Variants in DTNA observed in about 807,000 individuals in gnomAD.
DTNA encodes the protein dystrophin-related protein 3.
In DTNA, 43 loss-of-function variants were observed where a neutral mutation model predicts 100.7. The observed-to-expected ratio is 0.43, with a 90% CI of 0.33 to 0.55. The LOEUF is 0.55. Among genes scored for constraint, DTNA ranks in the 20% least tolerant of loss-of-function variants. DTNA has a pLI of 0.04. For missense variants in DTNA, 798 were observed against 953.9 expected (o/e 0.84, Z 2.15); for synonymous variants, 349 against 347.9 (o/e 1.00, Z -0.04).
chr18:34,704,209 A>T (rs2081817474), intron 1 of DTNA, among the ~76,000 whole-genome samples: 1 of 152,310 alleles, frequency 6.6e-6, no homozygotes, highest in African/African-American at 2.4e-5. Context: ...ATGTAGTTAT[A>T]GTTCACCCTC....
intron 1 of DTNA, among the ~76,000 whole-genome samples, chr18:34,687,675 A>T (rs1351399892): frequency 6.6e-6 from 1 of 152,198 alleles, no homozygotes; most frequent in Non-Finnish European, 1.5e-5. Context: ...TCCAGAGCTG[A>T]GTTCAAGTTC....
intron 1 of DTNA, among the ~76,000 whole-genome samples, chr18:34,523,222 ATAT>A (rs1225045602): frequency 2.6e-5 from 4 of 152,140 alleles, no homozygotes; most frequent in African/African-American, 4.8e-5. Context: ...TTTTTTGAAA[ATAT>A]TATTAGAATT....
chr18:34,667,972 A>G lies in DTNA; in HGVS notation c.-1-88004A>G, dbSNP rs1373994486. 9.2e-5 allele frequency among the ~76,000 whole-genome samples: 14 copies of G among 152,110 alleles called. No individual in the cohort carries two copies. In the East Asian group the frequency reaches 2.5e-3, roughly 27 times the overall value. On this transcript the variant is annotated intron_variant, in intron 1 of 19. Transcript: ENST00000283365. ...GTTAGGGAGGATTCCCTCTTTTTCTATTGATTGGAATAGTTTCAGAAGGAA... is the reference window on the plus strand; with the variant it reads ...GTTAGGGAGGATTCCCTCTTTTTCTGTTGATTGGAATAGTTTCAGAAGGAA...
intron 15 of DTNA, among the ~76,000 whole-genome samples, chr18:34,853,435 A>G (rs754325230): frequency 5.3e-5 from 8 of 152,214 alleles, no homozygotes. Flanking sequence ...TCAAGAAAGA[A>G]TAAAAAGGAG....
chr18:34,810,961 C>G (rs1568602473), intron 5 of DTNA, among the ~76,000 whole-genome samples: 3 of 152,066 alleles, frequency 2.0e-5, no homozygotes, highest in African/African-American at 7.2e-5. Flanking sequence ...CGATAAAAGC[C>G]TCTGATATGC....
intron 1 of DTNA, among the ~76,000 whole-genome samples, chr18:34,649,427 C>A (rs983420608): frequency 3.9e-5 from 6 of 152,124 alleles, no homozygotes; most frequent in Admixed American, 3.9e-4. Flanking sequence ...CTGGTAGGTT[C>A]CCTCCCTCAA....
chr18:34,802,491 T>G (rs769161646), intron 4 of DTNA, among the ~76,000 whole-genome samples: 2 of 152,200 alleles, frequency 1.3e-5, no homozygotes, highest in Non-Finnish European at 1.5e-5. Flanking sequence ...TGAGCATAGC[T>G]CCTAAATTTT....
At chr18:34,687,462 T>G (rs2079070929) in intron 1 of DTNA, among the ~76,000 whole-genome samples, 1 of 152,226 alleles carries the variant, frequency 6.6e-6, no homozygotes, top group African/African-American at 2.4e-5. Context: ...TGAGTGAGTT[T>G]CTTAATCCTG....
At chr18:34,752,541 A>G (rs9966125) in intron 1 of DTNA, among the ~76,000 whole-genome samples, 16,683 of 152,220 alleles carry the variant, frequency 0.11, 1,305 homozygotes, top group African/African-American at 0.21. Context: ...CAGGCCTCCC[A>G]TTTTTACTAT....
At chr18:34,835,391 A>G (rs573333623) in intron 11 of DTNA, among the ~76,000 whole-genome samples, 18 of 152,364 alleles carry the variant, frequency 1.2e-4, no homozygotes, top group South Asian at 4.1e-4. Context: ...TTAAACCAAC[A>G]CTGGCAAGGG....
At chr18:34,721,510 A>G (rs2085311326) in intron 1 of DTNA, among the ~76,000 whole-genome samples, 1 of 152,238 alleles carries the variant, frequency 6.6e-6, no homozygotes, top group Non-Finnish European at 1.5e-5. Context: ...ACTAATGAAA[A>G]AAAACAAACA....
chr18:34,801,433 T>C (rs2149170737), intron 4 of DTNA, among the ~76,000 whole-genome samples: 1 of 152,260 alleles, frequency 6.6e-6, no homozygotes, highest in Non-Finnish European at 1.5e-5. Flanking sequence ...AAAGTATGTA[T>C]TATGCGCTGT....
chr18:34,673,562 A>G (rs1209803697), intron 1 of DTNA, among the ~76,000 whole-genome samples: 2 of 152,136 alleles, frequency 1.3e-5, no homozygotes, highest in Admixed American at 1.3e-4. Flanking sequence ...CAGCTGATAA[A>G]TCCTTTTTAA....
chr18:34,778,560 G>C (rs11659971), intron 3 of DTNA, among the ~76,000 whole-genome samples: 21,537 of 151,792 alleles, frequency 0.14, 1,589 homozygotes, highest in African/African-American at 0.18. Context: ...TCTCATCATC[G>C]CAAACAAAAA....
rs369305449 is a variant in DTNA, at chr18:34,507,278, C to G, written c.-2+13764C>G. Among the ~76,000 whole-genome samples the G allele has an allele frequency of 3.9e-5, 6 of 152,276 alleles. No homozygotes were observed. In the East Asian group the frequency reaches 9.7e-4, roughly 25 times the overall value. On this transcript the variant is annotated intron_variant, in intron 1 of 19. Transcript: ENST00000283365. ...TCTTGCTCTACTCTCACTAAATGCT[C>G]TTTGTTTCCAGGAATATCATCCACC...
intron 1 of DTNA, among the ~76,000 whole-genome samples, chr18:34,600,910 G>A (rs181679626): frequency 4.3e-4 from 66 of 152,316 alleles, no homozygotes; most frequent in Admixed American, 7.2e-4. Context: ...TTTTCACCTG[G>A]AAATGACCCA....
At chr18:34,731,206 G>A (rs1027676339) in intron 1 of DTNA, among the ~76,000 whole-genome samples, 2 of 152,202 alleles carry the variant, frequency 1.3e-5, no homozygotes, top group Non-Finnish European at 2.9e-5. Context: ...GTGGCCGGGC[G>A]CGGTGGCTCA....
chr18:34,584,738 C>T lies in DTNA; in HGVS notation c.-2+91224C>T, dbSNP rs181949955. Among the ~76,000 whole-genome samples, 43 of 152,102 alleles carry T rather than the reference C, an allele frequency of 2.8e-4. 2 individuals carry two copies. Among genetic ancestry groups the T allele is most frequent in the Admixed American group, 2.2e-3 (33 of 15,282 alleles). The stretch of plus-strand genomic sequence containing the variant: ...ATCAACTGGGGGAACTCATGCATAT[C>T]GCACCAAATGTGCTGTTATGAGACA... On this transcript the variant is annotated intron_variant, in intron 1 of 19. Coordinates refer to the DTNA transcript ENST00000283365.
At chr18:34,788,135 ATCTAGTGGTTCATAGTCAT>A (rs1414472120) in intron 3 of DTNA, among the ~76,000 whole-genome samples, 2 of 152,212 alleles carry the variant, frequency 1.3e-5, no homozygotes, top group Admixed American at 1.3e-4. Flanking sequence ...GCGCAGTGCC[ATCTAGTGGTTCATAGTCAT>A]TATTACACAA....
Sources: allele counts gnomAD v4.1 joint callset (sites outside exome capture counted in the v4.1 genomes callset), GRCh38; gene constraint gnomAD v4.1.1; transcripts MANE v1.5; gene names NCBI Gene and HGNC (gene_info 2026-07-23, HGNC 2026-07-21).